Variants in PCSK5 observed in about 807,000 individuals in gnomAD.
PCSK5 encodes the protein proprotein convertase subtilisin/kexin type 5.
A neutral mutation model predicts 233.2 loss-of-function variants in PCSK5; 129 were observed. The ratio of observed to expected loss-of-function variants is 0.55; its 90% CI spans 0.48 to 0.64. The LOEUF (loss-of-function observed/expected upper bound fraction) is 0.64, where lower values mean the gene tolerates loss of function less well. Ranked by LOEUF, PCSK5 falls within the 30% of genes least tolerant of loss-of-function variation. The pLI, the probability that PCSK5 is intolerant of heterozygous loss-of-function variation, is 0.00. For missense variants in PCSK5, 2,076 were observed against 2,430.1 expected (o/e 0.85, Z 3.06); for synonymous variants, 825 against 879.2 (o/e 0.94, Z 1.09).
intron 24 of PCSK5, among the ~76,000 whole-genome samples, chr9:76,251,675 A>G (rs1373419519): frequency 6.6e-6 from 1 of 151,962 alleles, no homozygotes; most frequent in Non-Finnish European, 1.5e-5. Context: ...AATTGCTAGC[A>G]TTTATTGAAT....
chr9:76,236,069 A>T (rs1826244106), intron 22 of PCSK5, among the ~76,000 whole-genome samples: 2 of 152,192 alleles, frequency 1.3e-5, no homozygotes, highest in African/African-American at 4.8e-5. Context: ...GTACATCTCC[A>T]GCTATATTGC....
rs184521390 is a variant in PCSK5 at position 76,053,853 on chromosome 9, C to T, written c.633-14102C>T. The stretch of plus-strand genomic sequence containing the variant: ...AGTTCCAAAGTCACTTCCACAGTTT[C>T]GGGTATCTTTACAGCAGCACCCCAC... On this transcript the variant is annotated intron_variant, in intron 5 of 37. Transcript: ENST00000674117. 4.4e-3 allele frequency among the ~76,000 whole-genome samples: 663 copies of T among 152,270 alleles called. 3 individuals are homozygous for T. Among genetic ancestry groups the T allele is most frequent in the Non-Finnish European group, 6.6e-3 (448 of 68,028 alleles).
chr9:76,291,357 CAT>C (rs921055014), intron 24 of PCSK5, among the ~76,000 whole-genome samples: 3 of 152,140 alleles, frequency 2.0e-5, no homozygotes, highest in Admixed American at 2.0e-4. Context: ...TTAAAGGTGA[CAT>C]AAAATTTTCA....
At chr9:75,911,210 T>G (rs889415933) in intron 1 of PCSK5, among the ~76,000 whole-genome samples, 39 of 128,380 alleles carry the variant, frequency 3.0e-4, no homozygotes, top group Non-Finnish European at 5.8e-4. Flanking sequence ...GGTTTTTTTT[T>G]TTTTTTTTTT....
chr9:76,233,497 T>G lies in PCSK5; in HGVS notation c.2767T>G (p.Ser923Ala). 6.2e-7 allele frequency: 1 copy of G among 1,612,742 alleles called. No homozygotes were observed. Among genetic ancestry groups the G allele is most frequent in the Admixed American group, 1.7e-5 (1 of 60,012 alleles). Residue 923 changes from serine (S) to alanine (A), a missense_variant, in exon 22 of 38, where the codon TCA becomes GCA. Transcript: ENST00000674117. Reference sequence around the variant, plus strand: ...TGGCCGCTGTGTTTCGAACTGCCCCTCATGGAAATTTGAATTTGAGAACCA... The same window carrying G: ...TGGCCGCTGTGTTTCGAACTGCCCCGCATGGAAATTTGAATTTGAGAACCA... ...DDGRCVSNCP[S>A]WKFEFENQCH...
intron 2 of PCSK5, among the ~76,000 whole-genome samples, chr9:75,982,475 C>T (rs1260411215): frequency 6.6e-6 from 1 of 152,130 alleles, no homozygotes; most frequent in Non-Finnish European, 1.5e-5. Flanking sequence ...TGTTATCAAC[C>T]TTTAGACTGT....
intron 10 of PCSK5, 63 bp downstream of exon 10, chr9:76,134,275 G>T: frequency 9.7e-7 from 1 of 1,034,242 alleles, no homozygotes; most frequent in South Asian, 1.5e-5. Context: ...CATTTTAAAT[G>T]GAGAGCAGGA....
At chr9:76,293,891 G>C (rs1344137878) in intron 25 of PCSK5, among the ~76,000 whole-genome samples, 3 of 152,242 alleles carry the variant, frequency 2.0e-5, no homozygotes, top group Non-Finnish European at 2.9e-5. Flanking sequence ...TACAGCGAGT[G>C]AAATGCCTTA....
intron 24 of PCSK5, among the ~76,000 whole-genome samples, chr9:76,243,783 T>C (rs1170873136): frequency 6.6e-6 from 1 of 152,180 alleles, no homozygotes; most frequent in Non-Finnish European, 1.5e-5. Flanking sequence ...AATGCATGAA[T>C]GTTTGTTGAA....
intron 2 of PCSK5, among the ~76,000 whole-genome samples, chr9:75,957,356 C>T (rs891549079): frequency 3.9e-5 from 6 of 152,078 alleles, no homozygotes; most frequent in Non-Finnish European, 7.4e-5. Flanking sequence ...AGAAAAAGAT[C>T]GTAACATTCT....
At chr9:76,104,976 A>G (rs981565832) in intron 8 of PCSK5, among the ~76,000 whole-genome samples, 1 of 152,174 alleles carries the variant, frequency 6.6e-6, no homozygotes, top group African/African-American at 2.4e-5. Flanking sequence ...CTGCAAATTC[A>G]CCCATAATTT....
intron 5 of PCSK5, among the ~76,000 whole-genome samples, chr9:76,061,819 A>G (rs940969797): frequency 6.6e-6 from 1 of 152,226 alleles, no homozygotes; most frequent in Non-Finnish European, 1.5e-5. Context: ...AAATTATGTG[A>G]ATGTATTAAA....
Position 75,960,149 on chromosome 9 carries a change from G to A in PCSK5, c.298-25983G>A, listed in dbSNP as rs143540298. ...GAGTGAAGGAGATTGAAGAAGCAAC[G>A]TAGAATAGATTTTAGGTCTTTTTTC... On this transcript the variant is annotated intron_variant, in intron 2 of 37. Transcript: ENST00000674117. 1.2e-4 allele frequency among the ~76,000 whole-genome samples: 18 copies of A among 152,268 alleles called. No individual in the cohort carries two copies. The East Asian group carries it at 1.9e-3, about 16-fold the overall frequency.
chr9:75,926,332 A>T (rs1272960971), intron 1 of PCSK5, among the ~76,000 whole-genome samples: 1 of 152,200 alleles, frequency 6.6e-6, no homozygotes, highest in African/African-American at 2.4e-5. Flanking sequence ...TGATGTGCTG[A>T]TAAATAGTTA....
chr9:76,110,143 G>T (rs756065434), intron 9 of PCSK5, among the ~76,000 whole-genome samples: 1 of 152,160 alleles, frequency 6.6e-6, no homozygotes, highest in Admixed American at 6.5e-5. Flanking sequence ...TACAAGATAC[G>T]CTCTTTTAAG....
intron 5 of PCSK5, among the ~76,000 whole-genome samples, chr9:76,041,798 C>A (rs1829130258): frequency 6.8e-6 from 1 of 147,602 alleles, no homozygotes; most frequent in Admixed American, 6.7e-5. Context: ...CAGATTGTAC[C>A]ATTACACCCC....
chr9:76,141,175 C>T lies in PCSK5; in HGVS notation c.1312+6963C>T, dbSNP rs541087299. On this transcript the variant is annotated intron_variant, in intron 10 of 37. Transcript: ENST00000674117. ...TTGACTATCAAGTAATGAAATTGAA[C>T]CACTTATAACTGGATTCTGAATCCA... Among the ~76,000 whole-genome samples, 7 of 152,104 alleles carry T rather than the reference C, an allele frequency of 4.6e-5. No homozygotes were observed. The South Asian group carries it at 1.5e-3, about 32-fold the overall frequency.
intron 32 of PCSK5, among the ~76,000 whole-genome samples, chr9:76,327,254 C>T (rs1829390640): frequency 6.6e-6 from 1 of 151,896 alleles, no homozygotes; most frequent in African/African-American, 2.4e-5. Context: ...CTACAGGCAC[C>T]CGCCACCATG....
At chr9:76,139,198 T>G (rs1445917188) in intron 10 of PCSK5, among the ~76,000 whole-genome samples, 1 of 152,128 alleles carries the variant, frequency 6.6e-6, no homozygotes, top group African/African-American at 2.4e-5. Context: ...GAATTCAAAG[T>G]GCTGAAACCA....
Sources: allele counts gnomAD v4.1 joint callset (sites outside exome capture counted in the v4.1 genomes callset), GRCh38; gene constraint gnomAD v4.1.1; transcripts MANE v1.5; gene names NCBI Gene and HGNC (gene_info 2026-07-23, HGNC 2026-07-21).